Variants in TNIK observed in about 807,000 individuals in gnomAD.
TNIK encodes TRAF2 and NCK interacting kinase, also known as TRAF2 and NCK-interacting protein kinase.
Under a neutral mutation model 191.3 loss-of-function variants are expected in TNIK, and 49 were observed. That is an observed-to-expected ratio of 0.26 (90% CI 0.20 to 0.32). The LOEUF (loss-of-function observed/expected upper bound fraction) is 0.32. Ranked by LOEUF, TNIK falls within the 10% of genes least tolerant of loss-of-function variation. The pLI, the probability that TNIK is intolerant of heterozygous loss-of-function variation, is 1.00. For synonymous variants in TNIK, 594 were observed against 600.9 expected, an observed-to-expected ratio of 0.99 and a Z score of 0.17; for missense variants, 1,155 against 1,702.3, an observed-to-expected ratio of 0.68 and a Z score of 5.66.
chr3:171,285,979 A>G (rs1418742495), intron 2 of TNIK, among the ~76,000 whole-genome samples: 2 of 113,572 alleles, frequency 1.8e-5, no homozygotes, highest in African/African-American at 6.6e-5. Flanking sequence ...GCTCATCCTG[A>G]AGGATCAGGA....
chr3:171,451,585 G>A (rs1728181237), intron 1 of TNIK, among the ~76,000 whole-genome samples: 2 of 152,198 alleles, frequency 1.3e-5, no homozygotes, highest in Admixed American at 6.5e-5. Flanking sequence ...TCTCACCTTA[G>A]ACCTAAATAA....
At chr3:171,145,088 C>CTTTT (rs71176594) in intron 12 of TNIK, among the ~76,000 whole-genome samples, 1 of 132,642 alleles carries the variant, frequency 7.5e-6, no homozygotes, top group Non-Finnish European at 1.6e-5. Flanking sequence ...CTATCTCTCT[C>CTTTT]TTTTTTTTTT....
At chr3:171,175,377 C>T (rs199690739) in intron 8 of TNIK, 47 bp from the exon 9 acceptor site, 755 of 1,530,178 alleles carry the variant, frequency 4.9e-4, no homozygotes, top group Admixed American at 9.1e-4. Flanking sequence ...GAGGCCAAAC[C>T]CAGGCCAAGC....
Position 171,110,792 on chromosome 3 carries a change from G to A in TNIK, c.2206C>T (p.Pro736Ser), listed in dbSNP as rs373165373. 6.2e-7 allele frequency: 1 copy of A among 1,604,280 alleles called. No individual in the cohort carries two copies. The highest frequency in any genetic ancestry group is 8.5e-7 in the Non-Finnish European group (1 of 1,175,860). Residue 736 changes from proline (P) to serine (S), a missense_variant, in exon 19 of 33, where the codon CCT becomes TCT. Pro to Ser is a moderately conservative substitution (Grantham distance 74, BLOSUM62 -1). This residue lies in a region of TNIK where 735 missense variants were observed against 848.0 expected (regional missense o/e 0.87). Coordinates refer to ENST00000436636, the MANE Select transcript of TNIK (RefSeq NM_015028.4). Reference protein sequence around the residue: ...SSGSSSSSSTPSSQPSSQGGS... With the variant: ...SSGSSSSSSTSSSQPSSQGGS... ...CCTTGGGAGCTGGGCTGGGAGCTAG[G>A]GGTGCTGGAGCTGGAGGAACTGCCA...
intron 13 of TNIK, 127 bp from the exon 14 acceptor site, chr3:171,139,683 C>T (rs1010757448): frequency 2.6e-6 from 2 of 775,814 alleles, no homozygotes; most frequent in Admixed American, 2.3e-5. Flanking sequence ...TACCCAAATA[C>T]CTTCTTACAA....
intron 4 of TNIK, among the ~76,000 whole-genome samples, chr3:171,198,781 A>C (rs757137716): frequency 1.3e-5 from 2 of 152,196 alleles, no homozygotes; most frequent in African/African-American, 2.4e-5. Context: ...ATCAGGGTTC[A>C]ATGCCAGCAG....
At chr3:171,278,877 A>G (rs1016444927) in intron 2 of TNIK, among the ~76,000 whole-genome samples, 16 of 152,300 alleles carry the variant, frequency 1.1e-4, no homozygotes, top group African/African-American at 3.6e-4. Context: ...GAGGGTATAG[A>G]ATTGTATCAG....
At chr3:171,146,721 C>G (rs1731644400) in intron 12 of TNIK, among the ~76,000 whole-genome samples, 1 of 152,008 alleles carries the variant, frequency 6.6e-6, no homozygotes, top group South Asian at 2.1e-4. Flanking sequence ...GAAAACCCGT[C>G]TCTACTAAAA....
rs112705012 is a variant in TNIK at position 171,109,909 on chromosome 3, AT to A, written c.2284+804del. On this transcript the variant is annotated intron_variant, in intron 19 of 32. Transcript: ENST00000436636. ...ATAGGAATAACCAGAGGAGTCAACA[AT>A]TTTTTTTTTTTTTGATGGAGTTTCA... Among the ~76,000 whole-genome samples, 1,263 of 145,522 alleles carry A rather than the reference AT, an allele frequency of 8.7e-3. 5 individuals are homozygous for A. The highest frequency in any genetic ancestry group is 0.017 in the African/African-American group (676 of 40,080).
At chr3:171,168,224 G>C (rs1734849481) in intron 9 of TNIK, among the ~76,000 whole-genome samples, 2 of 152,186 alleles carry the variant, frequency 1.3e-5, no homozygotes, top group South Asian at 4.1e-4. Context: ...CAATAATTAA[G>C]CTTATGACTC....
At chr3:171,303,460 C>G (rs528211239) in intron 2 of TNIK, among the ~76,000 whole-genome samples, 2 of 152,150 alleles carry the variant, frequency 1.3e-5, no homozygotes, top group Admixed American at 1.3e-4. Flanking sequence ...AACTGATTAA[C>G]ATAAGTAAAA....
chr3:171,327,732 G>A (rs13326548), intron 2 of TNIK, among the ~76,000 whole-genome samples: 2,498 of 151,864 alleles, frequency 0.016, 64 homozygotes, highest in African/African-American at 0.058. Flanking sequence ...ATGTGTTACC[G>A]CAGCATAGCC....
intron 12 of TNIK, among the ~76,000 whole-genome samples, chr3:171,155,269 C>T (rs1180930896): frequency 6.6e-6 from 1 of 152,184 alleles, no homozygotes; most frequent in African/African-American, 2.4e-5. Flanking sequence ...TAGAAGGGGA[C>T]CTGGCAGGAG....
chr3:171,416,539 T>C (rs1723111910), intron 1 of TNIK, among the ~76,000 whole-genome samples: 1 of 152,104 alleles, frequency 6.6e-6, no homozygotes, highest in Non-Finnish European at 1.5e-5. Flanking sequence ...TGGCATAGTT[T>C]ACAAAAGCTT....
At chr3:171,228,138 T>C (rs116631574) in intron 3 of TNIK, 27 bp downstream of exon 3, 5 of 1,613,310 alleles carry the variant, frequency 3.1e-6, no homozygotes, top group East Asian at 2.2e-5. Flanking sequence ...TGCATGGCTA[T>C]TGAGATGGCA....
chr3:171,413,740 C>T (rs1306350168), intron 1 of TNIK, among the ~76,000 whole-genome samples: 1 of 152,146 alleles, frequency 6.6e-6, no homozygotes, highest in Admixed American at 6.5e-5. Flanking sequence ...ATACTATATG[C>T]AACTTGAGAG....
chr3:171,171,645 C>A (rs1349017658), intron 9 of TNIK, among the ~76,000 whole-genome samples: 2 of 152,164 alleles, frequency 1.3e-5, no homozygotes, highest in Non-Finnish European at 2.9e-5. Context: ...CTTAATGGAG[C>A]CATTCCTATC....
chr3:171,392,669 A>G (rs1175251835), intron 1 of TNIK, among the ~76,000 whole-genome samples: 1 of 151,450 alleles, frequency 6.6e-6, no homozygotes, highest in African/African-American at 2.4e-5. Context: ...AATCCCAGCT[A>G]CTCAGGAGGC....
intron 2 of TNIK, among the ~76,000 whole-genome samples, chr3:171,277,785 T>C (rs989850470): frequency 4.6e-5 from 7 of 152,364 alleles, no homozygotes; most frequent in Admixed American, 2.0e-4. Context: ...ATTTACTATG[T>C]GGCCCTTTAT....
Sources: gnomAD v4.1 joint callset for allele counts (sites outside exome capture counted in the v4.1 genomes callset) on GRCh38, gnomAD v4.1.1 for gene constraint, gnomAD v4.1.1 regional missense constraint, MANE v1.5 for transcripts, NCBI Gene and HGNC (gene_info 2026-07-23, HGNC 2026-07-21) for gene names.